The following GPC5 variants were observed in gnomAD, a reference collection of about 807,000 sequenced individuals.
The protein encoded by GPC5 is glypican-5.
A neutral mutation model predicts 53.9 loss-of-function variants in GPC5; 47 were observed. The ratio of observed to expected loss-of-function variants is 0.87; its 90% CI spans 0.69 to 1.11. The LOEUF (loss-of-function observed/expected upper bound fraction) is 1.11, where lower values mean the gene tolerates loss of function less well. GPC5 is among the 50% of genes most tolerant of loss of function. The probability of loss-of-function intolerance (pLI) is 0.00; values close to 1 mark genes in which losing one functional copy is unlikely to be tolerated. For missense variants in GPC5, 748 were observed against 713.1 expected (o/e 1.05, Z -0.56); for synonymous variants, 286 against 263.3 (o/e 1.09, Z -0.84).
intron 6 of GPC5, among the ~76,000 whole-genome samples, chr13:92,143,299 G>T (rs1474978524): frequency 6.6e-6 from 1 of 151,698 alleles, no homozygotes; most frequent in Admixed American, 6.6e-5. Flanking sequence ...AATGATAACT[G>T]GTGTTACTTT....
rs145855141 is a variant in GPC5, at chr13:91,619,326, A to G, written c.326-73861A>G. 5.3e-3 allele frequency among the ~76,000 whole-genome samples: 805 copies of G among 152,208 alleles called. 6 individuals are homozygous for G. The highest frequency in any genetic ancestry group is 7.9e-3 in the Non-Finnish European group (534 of 67,976). On this transcript the variant is annotated intron_variant, in intron 2 of 7. Coordinates refer to ENST00000377067, the MANE Select transcript of GPC5 (RefSeq NM_004466.6). ...CCCATTTATTTGTTAATTTAATTCCATGTGCAGTGGACCCCCAGCTCCTAT... is the reference window on the plus strand; with the variant it reads ...CCCATTTATTTGTTAATTTAATTCCGTGTGCAGTGGACCCCCAGCTCCTAT...
intron 1 of GPC5, among the ~76,000 whole-genome samples, chr13:91,413,630 G>T (rs755377058): frequency 2.0e-5 from 3 of 152,192 alleles, no homozygotes; most frequent in Non-Finnish European, 4.4e-5. Flanking sequence ...CCATCCTATC[G>T]TCTTGAGCTT....
intron 6 of GPC5, among the ~76,000 whole-genome samples, chr13:92,054,437 C>A (rs1333490187): frequency 6.6e-6 from 1 of 152,096 alleles, no homozygotes; most frequent in Non-Finnish European, 1.5e-5. Flanking sequence ...TACTGTGAAT[C>A]AGAAATTGTT....
chr13:91,786,029 C>A (rs1352231427), intron 5 of GPC5, among the ~76,000 whole-genome samples: 2 of 152,156 alleles, frequency 1.3e-5, no homozygotes, highest in Non-Finnish European at 2.9e-5. Flanking sequence ...CCAAGTCTCG[C>A]TCTGTCACCC....
intron 5 of GPC5, among the ~76,000 whole-genome samples, chr13:91,810,518 T>A (rs566173445): frequency 1.3e-5 from 2 of 151,994 alleles, no homozygotes; most frequent in Non-Finnish European, 2.9e-5. Flanking sequence ...AATGAATTAA[T>A]CAATTTAGTT....
intron 7 of GPC5, among the ~76,000 whole-genome samples, chr13:92,826,435 A>G (rs918264573): frequency 2.6e-5 from 4 of 152,298 alleles, no homozygotes; most frequent in Admixed American, 6.5e-5. Context: ...ACAGCCCCAG[A>G]CAACATATAA....
intron 7 of GPC5, among the ~76,000 whole-genome samples, chr13:92,175,056 T>C (rs994361474): frequency 2.0e-5 from 3 of 152,212 alleles, no homozygotes; most frequent in African/African-American, 7.2e-5. Context: ...TTTCTCCATG[T>C]TGGTCAGGCT....
At chr13:91,995,589 C>A (rs1188467095) in intron 6 of GPC5, 2 of 152,076 alleles carry the variant, frequency 1.3e-5, no homozygotes, top group African/African-American at 2.4e-5. Flanking sequence ...AAATTTGATT[C>A]TTGTAAAGCA....
At chr13:92,752,547 C>T (rs539435091) in intron 7 of GPC5, among the ~76,000 whole-genome samples, 2 of 152,222 alleles carry the variant, frequency 1.3e-5, no homozygotes, top group Admixed American at 6.5e-5. Flanking sequence ...ACGCAGAAGA[C>T]GGGTGATTTC....
intron 5 of GPC5, among the ~76,000 whole-genome samples, chr13:91,859,345 C>T (rs1420750389): frequency 6.6e-6 from 1 of 151,514 alleles, no homozygotes; most frequent in East Asian, 1.9e-4. Flanking sequence ...GTTGTGTTTC[C>T]ATTTTCATTT....
At chr13:92,547,405 C>G (rs1185340508) in intron 7 of GPC5, among the ~76,000 whole-genome samples, 2 of 152,132 alleles carry the variant, frequency 1.3e-5, no homozygotes, top group East Asian at 3.9e-4. Flanking sequence ...AAAGTTGATT[C>G]AGATGACGTA....
At chr13:91,673,154 C>A (rs983052401) in intron 2 of GPC5, among the ~76,000 whole-genome samples, 11 of 151,906 alleles carry the variant, frequency 7.2e-5, no homozygotes, top group South Asian at 4.1e-4. Context: ...CACGCATATA[C>A]CTGTGTAACA....
intron 2 of GPC5, among the ~76,000 whole-genome samples, chr13:91,580,752 C>G (rs990203863): frequency 6.6e-6 from 1 of 152,212 alleles, no homozygotes; most frequent in African/African-American, 2.4e-5. Flanking sequence ...CATTGTTGTT[C>G]TTCGAGTCAG....
At chr13:92,110,756 G>C (rs922383615) in intron 6 of GPC5, among the ~76,000 whole-genome samples, 1 of 152,174 alleles carries the variant, frequency 6.6e-6, no homozygotes, top group Non-Finnish European at 1.5e-5. Context: ...ATAATTCACT[G>C]TCTCCTCATG....
chr13:92,478,095 T>C (rs1879220303), intron 7 of GPC5, among the ~76,000 whole-genome samples: 2 of 152,188 alleles, frequency 1.3e-5, no homozygotes, highest in African/African-American at 2.4e-5. Flanking sequence ...GCAATTTGCT[T>C]TAATTGAGTC....
At chr13:91,893,439 A>C (rs1291335260) in intron 5 of GPC5, among the ~76,000 whole-genome samples, 1 of 152,112 alleles carries the variant, frequency 6.6e-6, no homozygotes. Flanking sequence ...CAATCTGAAG[A>C]GAATTTTTAA....
chr13:92,229,796 T>G (rs1395627646), intron 7 of GPC5, among the ~76,000 whole-genome samples: 2 of 152,098 alleles, frequency 1.3e-5, no homozygotes, highest in Non-Finnish European at 2.9e-5. Flanking sequence ...ATAGTAGAGA[T>G]ATTTCATATA....
At chr13:91,430,394 G>C (rs1879362200) in intron 1 of GPC5, among the ~76,000 whole-genome samples, 1 of 152,192 alleles carries the variant, frequency 6.6e-6, no homozygotes, top group African/African-American at 2.4e-5. Context: ...TGGCCATAGT[G>C]CTTGTTTAGG....
intron 2 of GPC5, among the ~76,000 whole-genome samples, chr13:91,533,979 A>C (rs1244775783): frequency 6.6e-6 from 1 of 152,130 alleles, no homozygotes; most frequent in Non-Finnish European, 1.5e-5. Flanking sequence ...ATTTCTTTTT[A>C]GCTGCTCCCC....
Sources: gnomAD v4.1 joint callset for allele counts (sites outside exome capture counted in the v4.1 genomes callset) on GRCh38, gnomAD v4.1.1 for gene constraint, MANE v1.5 for transcripts, NCBI Gene and HGNC (gene_info 2026-07-23, HGNC 2026-07-21) for gene names.